Variants in CREBRF observed in about 807,000 individuals in gnomAD.
The protein encoded by CREBRF is CREB3 regulatory factor.
CREBRF carries 5 observed loss-of-function variants against 66.1 expected under a neutral mutation model. That is an observed-to-expected ratio of 0.08 (90% confidence interval 0.04 to 0.16). The LOEUF (loss-of-function observed/expected upper bound fraction) is 0.16. Ranked by LOEUF, CREBRF falls within the 10% of genes least tolerant of loss-of-function variation. The pLI is 1.00. For synonymous variants in CREBRF, 229 were observed against 264.4 expected (o/e 0.87, Z 1.30); for missense variants, 531 against 744.9 (o/e 0.71, Z 3.34).
At chr5:173,067,965 A>C (rs572060987) in intron 1 of CREBRF, among the ~76,000 whole-genome samples, 1 of 151,732 alleles carries the variant, frequency 6.6e-6, no homozygotes, top group African/African-American at 2.4e-5. Context: ...GCTCCACTGC[A>C]CTCCAGCCTG....
chr5:173,082,518 A>T (rs1374346649), intron 2 of CREBRF, among the ~76,000 whole-genome samples: 1 of 152,060 alleles, frequency 6.6e-6, no homozygotes, highest in East Asian at 1.9e-4. Flanking sequence ...TTTGTGAAAG[A>T]TAGAAAGTAT....
At chr5:173,061,829 C>T (rs572047977) in intron 1 of CREBRF, among the ~76,000 whole-genome samples, 1 of 152,128 alleles carries the variant, frequency 6.6e-6, no homozygotes, top group Non-Finnish European at 1.5e-5. Flanking sequence ...GCAGAGATGC[C>T]GTAATCTAAA....
intron 4 of CREBRF, among the ~76,000 whole-genome samples, chr5:173,102,229 C>G (rs905632510): frequency 8.5e-5 from 13 of 152,200 alleles, no homozygotes. Context: ...TATTTTGGAT[C>G]AGTTGCTGGT....
intron 1 of CREBRF, among the ~76,000 whole-genome samples, chr5:173,058,733 C>A (rs533049464): frequency 5.3e-5 from 8 of 151,398 alleles, no homozygotes; most frequent in Middle Eastern, 3.4e-3. Flanking sequence ...GATCCGCCCC[C>A]CTCGGCCTCC....
intron 4 of CREBRF, among the ~76,000 whole-genome samples, chr5:173,093,315 G>A (rs965413233): frequency 3.3e-5 from 5 of 152,030 alleles, no homozygotes; most frequent in African/African-American, 1.2e-4. Flanking sequence ...GCTTTTCTTT[G>A]ACTTTTTCCC....
intron 8 of CREBRF, among the ~76,000 whole-genome samples, chr5:173,132,046 T>C (rs574025027): frequency 1.3e-5 from 2 of 151,548 alleles, no homozygotes; most frequent in East Asian, 1.9e-4. Flanking sequence ...TTTTATGATA[T>C]CTTTTGACTT....
chr5:173,096,521 C>G (rs1425595855), intron 4 of CREBRF, among the ~76,000 whole-genome samples: 8 of 139,320 alleles, frequency 5.7e-5, no homozygotes, highest in African/African-American at 2.1e-4. Flanking sequence ...CCCTCTTGCC[C>G]CTTCCCCCTC....
chr5:173,084,400 A>G (rs1183190921), intron 2 of CREBRF, among the ~76,000 whole-genome samples: 1 of 152,260 alleles, frequency 6.6e-6, no homozygotes, highest in African/African-American at 2.4e-5. Context: ...AATTCCAATT[A>G]GTTTGTTACA....
At chr5:173,117,557 TCCTCCCTC>T (rs1167170669) in intron 7 of CREBRF, among the ~76,000 whole-genome samples, 6 of 21,580 alleles carry the variant, frequency 2.8e-4, no homozygotes, top group African/African-American at 7.9e-4. Flanking sequence ...CCTCCCCTCT[TCCTCCCTC>T]CCTCCCTCCC....
chr5:173,116,850 G>A (rs1008413023), intron 7 of CREBRF, among the ~76,000 whole-genome samples: 6 of 152,178 alleles, frequency 3.9e-5, no homozygotes, highest in African/African-American at 1.4e-4. Context: ...TAAAAACAGT[G>A]TAGGAGGGTT....
intron 8 of CREBRF, among the ~76,000 whole-genome samples, chr5:173,126,670 A>T (rs528187413): frequency 4.6e-5 from 7 of 151,876 alleles, no homozygotes; most frequent in African/African-American, 1.4e-4. Context: ...CTATATGGAA[A>T]TTTTTTTTTG....
intron 4 of CREBRF, chr5:173,091,982 G>A (rs778576263): frequency 4.2e-5 from 11 of 261,836 alleles, no homozygotes; most frequent in Non-Finnish European, 6.5e-5. Flanking sequence ...TCCAGAGGTT[G>A]AGGCGGGAGA....
At chr5:173,069,204 G>C (rs1276825406) in intron 1 of CREBRF, among the ~76,000 whole-genome samples, 1 of 152,166 alleles carries the variant, frequency 6.6e-6, no homozygotes, top group African/African-American at 2.4e-5. Flanking sequence ...TTGAGTGTCT[G>C]TTTTGTGCTA....
chr5:173,088,091 A>G (rs1246778385), intron 3 of CREBRF, among the ~76,000 whole-genome samples: 3 of 151,642 alleles, frequency 2.0e-5, no homozygotes, highest in Non-Finnish European at 1.5e-5. Context: ...CTGGGATTAC[A>G]GGTGTGAGCC....
intron 8 of CREBRF, among the ~76,000 whole-genome samples, chr5:173,127,081 AAAC>A (rs1759291412): frequency 6.6e-6 from 1 of 152,174 alleles, no homozygotes. Flanking sequence ...CCTTTCTCAA[AAAC>A]AACAATAACA....
chr5:173,089,349 T>C (rs553590823), intron 3 of CREBRF, among the ~76,000 whole-genome samples: 1 of 152,228 alleles, frequency 6.6e-6, no homozygotes, highest in Admixed American at 6.5e-5. Context: ...CAGGTTCTTT[T>C]CCATGCATAT....
intron 4 of CREBRF, 93 bp from the exon 5 acceptor site, chr5:173,108,531 A>G: frequency 9.3e-7 from 1 of 1,070,290 alleles, no homozygotes; most frequent in Non-Finnish European, 1.4e-6. Flanking sequence ...GCAAGGAAAT[A>G]TACCAAGTTA....
intron 4 of CREBRF, among the ~76,000 whole-genome samples, chr5:173,105,227 G>A (rs202185645): frequency 2.7e-5 from 2 of 74,254 alleles, no homozygotes; most frequent in Admixed American, 1.4e-4. Context: ...GTGTATATAT[G>A]TGTGTGTGTG....
intron 7 of CREBRF, among the ~76,000 whole-genome samples, chr5:173,120,158 T>G (rs1581043102): frequency 6.6e-6 from 1 of 152,258 alleles, no homozygotes; most frequent in East Asian, 1.9e-4. Context: ...AGGGCTATAC[T>G]GGCCTTATAG....
Sources: allele counts gnomAD v4.1 joint callset (sites outside exome capture counted in the v4.1 genomes callset), GRCh38; gene constraint gnomAD v4.1.1; transcripts MANE v1.5; gene names NCBI Gene and HGNC (gene_info 2026-07-23, HGNC 2026-07-21).